ARHGAP22: variants seen among roughly 807,000 people sequenced by gnomAD.
The protein encoded by ARHGAP22 is Rho GTPase activating protein 22, also known as rho GTPase-activating protein 22.
ARHGAP22 carries 48 observed loss-of-function variants against 59.1 expected under a neutral mutation model. The observed-to-expected ratio is 0.81, with a 90% CI of 0.64 to 1.03. ARHGAP22 has a LOEUF of 1.03. Among genes scored for constraint, ARHGAP22 ranks in the 50% least tolerant of loss-of-function variants. The pLI is 0.00. For missense variants in ARHGAP22, 1,015 were observed against 958.7 expected (o/e 1.06, Z -0.78); for synonymous variants, 445 against 416.4 (o/e 1.07, Z -0.84).
intron 4 of ARHGAP22, among the ~76,000 whole-genome samples, chr10:48,475,465 T>C (rs2048625107): frequency 6.6e-6 from 1 of 151,848 alleles, no homozygotes. Context: ...ATCTTATAGG[T>C]ATCTCAAACT....
rs1162192136 is a variant in ARHGAP22 at position 48,471,766 on chromosome 10, C to A, written c.451+7870G>T. On this transcript the variant is annotated intron_variant, in intron 4 of 9. Coordinates refer to ENST00000249601, the MANE Select transcript of ARHGAP22 (RefSeq NM_021226.4). ...CTACCCTGACCACAGGGAGAGCACC[C>A]CCTTCTCTTGCCTGGATTATTGCAA... Among the ~76,000 whole-genome samples, 3 of 152,338 alleles carry A rather than the reference C, an allele frequency of 2.0e-5. No homozygotes were observed. The East Asian group carries it at 5.8e-4, about 29-fold the overall frequency.
chr10:48,605,148 C>A (rs1158130934), upstream of ARHGAP22: 2 of 1,054,364 alleles, frequency 1.9e-6, no homozygotes, highest in Non-Finnish European at 2.3e-6. Context: ...GGGGGCGGGG[C>A]GGGGCCGAGA....
chr10:48,446,334 T>C lies in ARHGAP22; in HGVS notation c.*57A>G. ...CTCCAGAGATACAGACGCTTCTAACTCCATACAAGGCTGGAGACCAGCAGA... is the reference window on the plus strand; with the variant it reads ...CTCCAGAGATACAGACGCTTCTAACCCCATACAAGGCTGGAGACCAGCAGA... On this transcript the variant is annotated 3_prime_UTR_variant, in exon 10 of 10. Coordinates refer to ENST00000249601, the MANE Select transcript of ARHGAP22 (RefSeq NM_021226.4). The C allele has an allele frequency of 6.3e-7, 1 of 1,584,648 alleles. No individual in the cohort carries two copies. The highest frequency in any genetic ancestry group is 8.6e-7 in the Non-Finnish European group (1 of 1,158,282).
the ARHGAP22 span, among the ~76,000 whole-genome samples, chr10:48,433,285 GTAAAA>G: frequency 1.3e-5 from 2 of 152,076 alleles, no homozygotes; most frequent in Non-Finnish European, 2.9e-5. Flanking sequence ...AGACATTTGG[GTAAAA>G]TAATAGACCC....
At chr10:48,492,308 A>G (rs979246842) in intron 3 of ARHGAP22, among the ~76,000 whole-genome samples, 55 of 152,284 alleles carry the variant, frequency 3.6e-4, no homozygotes, top group African/African-American at 1.3e-3. Flanking sequence ...GGCAGCAGCA[A>G]TGTATGATTT....
chr10:48,613,369 G>A (rs965949965), intron 1 of ARHGAP22, among the ~76,000 whole-genome samples: 6 of 152,202 alleles, frequency 3.9e-5, no homozygotes, highest in African/African-American at 1.4e-4. Context: ...TTATAGTTTA[G>A]TAGGAAGATG....
chr10:48,512,771 C>T (rs2052911394), intron 3 of ARHGAP22, among the ~76,000 whole-genome samples: 1 of 152,210 alleles, frequency 6.6e-6, no homozygotes, highest in Non-Finnish European at 1.5e-5. Flanking sequence ...CAGCTCCAAG[C>T]TTCCAGAGCT....
At chr10:48,432,169 G>T in the ARHGAP22 span, among the ~76,000 whole-genome samples, 2 of 152,254 alleles carry the variant, frequency 1.3e-5, no homozygotes, top group East Asian at 3.9e-4. Flanking sequence ...AGAGTGAGTA[G>T]TATTTCAAAA....
At chr10:48,654,710 G>C (rs765620471), upstream of ARHGAP22, among the ~76,000 whole-genome samples, 1 of 152,136 alleles carries the variant, frequency 6.6e-6, no homozygotes, top group African/African-American at 2.4e-5. Context: ...TGAGAGGAGA[G>C]AGAGGGAGAG....
At position 48,476,222 on chromosome 10, in the gene ARHGAP22, T is replaced by A. The variant is rs186020624; in HGVS notation, c.451+3414A>T. ...ATTGCAGGTTGGCTGAATGACCAGA[T>A]GAATTCCCAAATGAGAGGCACTCCA... On this transcript the variant is annotated intron_variant, in intron 4 of 9. Transcript: ENST00000249601. Among the ~76,000 whole-genome samples the A allele has an allele frequency of 2.4e-3, 364 of 152,288 alleles. 1 individual carries two copies. The highest frequency in any genetic ancestry group is 8.2e-3 in the Admixed American group (125 of 15,300).
At chr10:48,496,475 C>A (rs1417619451) in intron 3 of ARHGAP22, among the ~76,000 whole-genome samples, 1 of 152,176 alleles carries the variant, frequency 6.6e-6, no homozygotes, top group Non-Finnish European at 1.5e-5. Context: ...GAAACTGAGG[C>A]TCAGAGAGAT....
At position 48,450,405 on chromosome 10, in the gene ARHGAP22, G is replaced by A. The variant is rs78120740; in HGVS notation, c.1724C>T (p.Ala575Val). The A allele has an allele frequency of 0.013, 19,772 of 1,569,088 alleles. 302 individuals are homozygous for A. The highest frequency in any genetic ancestry group is 0.061 in the South Asian group (5,272 of 85,804). ...GCTGGGCTCGCTGTTGCTGGCACCC[G>A]CGCCCGCCTCGTCCATGCTGTGGTC... ...DLDHSMDEAGAGASNSEPSEP... is the reference protein window; with the variant it reads ...DLDHSMDEAGVGASNSEPSEP... Residue 575 changes from alanine to valine, a missense_variant, in exon 9 of 10, where the codon GCG (alanine) becomes GTG (valine). Transcript: ENST00000249601.
intron 1 of ARHGAP22, among the ~76,000 whole-genome samples, chr10:48,588,616 G>C (rs1224252206): frequency 6.6e-6 from 1 of 152,180 alleles, no homozygotes; most frequent in East Asian, 1.9e-4. Context: ...GGAGGAAGGT[G>C]CCCTTCACCC....
intron 2 of ARHGAP22, among the ~76,000 whole-genome samples, chr10:48,559,366 T>C (rs2057534503): frequency 6.6e-6 from 1 of 152,210 alleles, no homozygotes; most frequent in Non-Finnish European, 1.5e-5. Flanking sequence ...GCTCAGCCTA[T>C]GTATCTAAGT....
intron 3 of ARHGAP22, among the ~76,000 whole-genome samples, chr10:48,532,232 T>C (rs1327368884): frequency 1.3e-5 from 2 of 152,030 alleles, no homozygotes; most frequent in Non-Finnish European, 2.9e-5. Context: ...TGTCCTCCAA[T>C]CTGGGCAGTC....
chr10:48,449,412 C>T (rs192522814), intron 9 of ARHGAP22, among the ~76,000 whole-genome samples: 2 of 152,320 alleles, frequency 1.3e-5, no homozygotes, highest in Admixed American at 6.5e-5. Context: ...GAACAGCTGT[C>T]AGCAGAGCAA....
chr10:48,515,421 A>T (rs1345674436), intron 3 of ARHGAP22, among the ~76,000 whole-genome samples: 1 of 152,258 alleles, frequency 6.6e-6, no homozygotes, highest in Non-Finnish European at 1.5e-5. Context: ...CCCTATAAAC[A>T]GAACCCCATA....
chr10:48,479,206 T>A (rs1442503830), intron 4 of ARHGAP22: 1 of 185,336 alleles, frequency 5.4e-6, no homozygotes, highest in African/African-American at 2.4e-5. Context: ...GTTGCTGCAT[T>A]AAGCCTGCTT....
chr10:48,522,037 AC>A (rs1156668236), intron 3 of ARHGAP22, among the ~76,000 whole-genome samples: 1 of 152,266 alleles, frequency 6.6e-6, no homozygotes, highest in Non-Finnish European at 1.5e-5. Context: ...CAGACTGGCC[AC>A]ATGGGTTCAA....
Sources: gnomAD v4.1 joint callset for allele counts (sites outside exome capture counted in the v4.1 genomes callset) on GRCh38, gnomAD v4.1.1 for gene constraint, MANE v1.5 for transcripts, NCBI Gene and HGNC (gene_info 2026-07-23, HGNC 2026-07-21) for gene names.